MGAT4C: variants seen among roughly 807,000 people sequenced by gnomAD.
MGAT4C encodes the protein MGAT4 family member C.
MGAT4C carries 19 observed loss-of-function variants against 40.1 expected under a neutral mutation model. That is an observed-to-expected ratio of 0.47 (90% CI 0.33 to 0.70). The LOEUF is 0.70. MGAT4C is among the 30% of genes least tolerant of loss of function. MGAT4C has a pLI of 0.02. For synonymous variants in MGAT4C, 181 were observed against 187.1 expected (o/e 0.97, Z 0.27); for missense variants, 491 against 563.2 (o/e 0.87, Z 1.30).
chr12:86,612,552 C>A (rs1356345523), intron 2 of MGAT4C, among the ~76,000 whole-genome samples: 1 of 151,978 alleles, frequency 6.6e-6, no homozygotes, highest in African/African-American at 2.4e-5. Flanking sequence ...GAGTTTGAGA[C>A]CAGCCTGGCC....
At chr12:86,053,880 A>C (rs754108745) in intron 1 of MGAT4C, among the ~76,000 whole-genome samples, 3 of 151,976 alleles carry the variant, frequency 2.0e-5, no homozygotes, top group Middle Eastern at 3.2e-3. Flanking sequence ...ATGCAAGTAA[A>C]ATTCATGATG....
At chr12:86,509,716 T>C (rs1958538891) in intron 2 of MGAT4C, among the ~76,000 whole-genome samples, 1 of 152,194 alleles carries the variant, frequency 6.6e-6, no homozygotes, top group Non-Finnish European at 1.5e-5. Flanking sequence ...TTCCATTTGT[T>C]TGTATCCTCT....
At chr12:86,054,282 C>A (rs1893177333) in intron 1 of MGAT4C, among the ~76,000 whole-genome samples, 2 of 151,856 alleles carry the variant, frequency 1.3e-5, no homozygotes, top group Non-Finnish European at 2.9e-5. Flanking sequence ...TGGATGAACC[C>A]AGAGGATATT....
At chr12:86,712,235 C>T (rs776091819) in intron 2 of MGAT4C, among the ~76,000 whole-genome samples, 3 of 151,938 alleles carry the variant, frequency 2.0e-5, no homozygotes, top group Non-Finnish European at 4.4e-5. Flanking sequence ...GGAATGTATA[C>T]ATACAGAATT....
intron 4 of MGAT4C, among the ~76,000 whole-genome samples, chr12:86,286,898 T>C (rs1953365814): frequency 6.6e-6 from 1 of 152,160 alleles, no homozygotes; most frequent in Admixed American, 6.5e-5. Context: ...TCTATCCATG[T>C]TTCTGCAAAG....
rs1385658672 is a variant in MGAT4C at position 85,959,305 on chromosome 12, T to C, written c.*19984A>G. 3 of 152,086 alleles carry C rather than the reference T, an allele frequency of 2.0e-5. No individual in the cohort carries two copies. Among genetic ancestry groups the C allele is most frequent in the African/African-American group, 7.2e-5 (3 of 41,452 alleles). The allele number at this position is 152,086 out of a possible 1,614,324, so 9.4% of individuals were successfully genotyped here. ...TAGAAGATTTACACTCATAAGATCA[T>C]GTAAATTTATTTGGATATGCTGAAA... On this transcript the variant is annotated 3_prime_UTR_variant, in exon 5 of 5. Transcript: ENST00000611864.
At chr12:86,476,177 CA>C (rs1359550715) in intron 2 of MGAT4C, among the ~76,000 whole-genome samples, 8 of 151,962 alleles carry the variant, frequency 5.3e-5, no homozygotes, top group Admixed American at 5.3e-4. Flanking sequence ...AGGGTAGATT[CA>C]CAAATTATGC....
At chr12:86,507,596 C>T (rs1473943542) in intron 2 of MGAT4C, among the ~76,000 whole-genome samples, 1 of 152,130 alleles carries the variant, frequency 6.6e-6, no homozygotes, top group African/African-American at 2.4e-5. Flanking sequence ...ATGCATTTAA[C>T]CCCTCATGTG....
chr12:86,583,900 T>G (rs1270063380), intron 2 of MGAT4C, among the ~76,000 whole-genome samples: 1 of 151,104 alleles, frequency 6.6e-6, no homozygotes, highest in Non-Finnish European at 1.5e-5. Flanking sequence ...AAAAATTATT[T>G]GGCAGCTAAA....
chr12:86,676,903 A>G (rs1298416117), intron 2 of MGAT4C, among the ~76,000 whole-genome samples: 1 of 152,162 alleles, frequency 6.6e-6, no homozygotes, highest in Non-Finnish European at 1.5e-5. Flanking sequence ...ACTCTCAGAA[A>G]CATAAATATT....
chr12:86,066,791 G>T (rs1489516546), intron 1 of MGAT4C, among the ~76,000 whole-genome samples: 7 of 151,752 alleles, frequency 4.6e-5, no homozygotes. Context: ...GAATGGGAGA[G>T]AATTGTTGCA....
intron 2 of MGAT4C, among the ~76,000 whole-genome samples, chr12:86,713,671 T>G (rs561422575): frequency 6.6e-6 from 1 of 152,204 alleles, no homozygotes; most frequent in African/African-American, 2.4e-5. Context: ...TATTAGTAGT[T>G]TTATATATAT....
At chr12:86,275,584 T>C (rs1953057283) in intron 4 of MGAT4C, among the ~76,000 whole-genome samples, 4 of 152,108 alleles carry the variant, frequency 2.6e-5, no homozygotes, top group Admixed American at 2.0e-4. Flanking sequence ...TTATACAAAT[T>C]GATCCAATGT....
At chr12:86,803,431 A>C (rs1335615703) in intron 1 of MGAT4C, among the ~76,000 whole-genome samples, 1 of 152,006 alleles carries the variant, frequency 6.6e-6, no homozygotes, top group African/African-American at 2.4e-5. Flanking sequence ...TAATTAAACT[A>C]AAGAGCTTCT....
chr12:86,771,317 G>A (rs1200590021), intron 1 of MGAT4C, among the ~76,000 whole-genome samples: 1 of 152,112 alleles, frequency 6.6e-6, no homozygotes, highest in African/African-American at 2.4e-5. Context: ...TTGGTACTGA[G>A]AAGTGGGGTG....
At chr12:86,010,541 G>A (rs924218371) in intron 2 of MGAT4C, among the ~76,000 whole-genome samples, 1 of 152,160 alleles carries the variant, frequency 6.6e-6, no homozygotes, top group Non-Finnish European at 1.5e-5. Flanking sequence ...AGCCATGCGT[G>A]GTGGTGCACA....
chr12:86,295,213 G>T (rs1404714915), intron 4 of MGAT4C, among the ~76,000 whole-genome samples: 1 of 152,040 alleles, frequency 6.6e-6, no homozygotes, highest in Non-Finnish European at 1.5e-5. Context: ...ATTAAACATG[G>T]ACATTTTGTT....
chr12:85,976,762 A>G lies in MGAT4C; in HGVS notation c.*2527T>C, dbSNP rs551729599. 177 of 149,806 alleles carry G rather than the reference A, an allele frequency of 1.2e-3. No homozygotes were observed. The highest frequency in any genetic ancestry group is 4.0e-3 in the African/African-American group (163 of 41,164). The allele number at this position is 149,806 out of a possible 1,614,324, so 9.3% of individuals were successfully genotyped here. On this transcript the variant is annotated 3_prime_UTR_variant, in exon 5 of 5. Coordinates refer to ENST00000611864, the MANE Select transcript of MGAT4C (RefSeq NM_001351288.2). The stretch of plus-strand genomic sequence containing the variant: ...TAGCAAATAGTTTGAGTATAGTTAA[A>G]CCTAATAACTGTACTTTTGTTTCTA...
chr12:86,228,532 C>A (rs185427569), intron 1 of MGAT4C, among the ~76,000 whole-genome samples: 1 of 151,738 alleles, frequency 6.6e-6, no homozygotes, highest in African/African-American at 2.4e-5. Context: ...ATCAGGGGAA[C>A]CTCTTTTGGG....
Sources: gnomAD v4.1 joint callset for allele counts (sites outside exome capture counted in the v4.1 genomes callset) on GRCh38, gnomAD v4.1.1 for gene constraint, MANE v1.5 for transcripts, NCBI Gene and HGNC (gene_info 2026-07-23, HGNC 2026-07-21) for gene names.